The following GAB1 variants were observed in gnomAD, a reference collection of about 807,000 sequenced individuals.
The protein encoded by GAB1 is GRB2-associated-binding protein 1.
In GAB1, 19 loss-of-function variants were observed where a neutral mutation model predicts 66.5. The observed-to-expected ratio is 0.29, with a 90% CI of 0.20 to 0.42. GAB1 has a LOEUF of 0.42. GAB1 is among the 10% of genes least tolerant of loss of function. GAB1 has a pLI of 1.00. For synonymous variants in GAB1, 294 were observed against 301.4 expected (o/e 0.98, Z 0.25); for missense variants, 732 against 858.5 (o/e 0.85, Z 1.84).
chr4:143,367,986 A>G (rs911252890), intron 1 of GAB1, among the ~76,000 whole-genome samples: 1 of 151,920 alleles, frequency 6.6e-6, no homozygotes, highest in South Asian at 2.1e-4. Flanking sequence ...CAGCCTCCCA[A>G]AGTGCTAGGA....
At chr4:143,400,102 G>A (rs993262932) in intron 1 of GAB1, among the ~76,000 whole-genome samples, 3 of 152,002 alleles carry the variant, frequency 2.0e-5, no homozygotes, top group African/African-American at 4.8e-5. Flanking sequence ...CACCATGCCT[G>A]GCTCATTGTT....
intron 6 of GAB1, among the ~76,000 whole-genome samples, chr4:143,452,524 T>C (rs539239887): frequency 1.3e-5 from 2 of 152,236 alleles, no homozygotes; most frequent in African/African-American, 4.8e-5. Context: ...AGACCAAGAA[T>C]CCAAAAAGCC....
intron 1 of GAB1, among the ~76,000 whole-genome samples, chr4:143,409,953 A>G (rs886654617): frequency 6.6e-6 from 1 of 152,176 alleles, no homozygotes; most frequent in Non-Finnish European, 1.5e-5. Flanking sequence ...ATGGTGGCAC[A>G]TTAGAATCAT....
Position 143,415,325 on chromosome 4 carries a change from G to C in GAB1, c.73-152G>C, listed in dbSNP as rs1254396560. 6 of 613,314 alleles carry C rather than the reference G, an allele frequency of 9.8e-6. No homozygotes were observed. In the African/African-American group the frequency reaches 1.1e-4, roughly 11 times the overall value. 38.0% of individuals were successfully genotyped at this position (613,314 alleles called of 1,614,324 possible). A position where few individuals can be genotyped will look rare whatever the true frequency, so the allele number is the denominator to read the frequency against. On this transcript the variant is annotated intron_variant, in intron 1 of 9. Transcript: ENST00000262994. Reference sequence around the variant, plus strand: ...GTAAACGTTGCTTTTCAGAGTGGCAGATTATCCTGTGGTAAAAACACACAC... The same window carrying C: ...GTAAACGTTGCTTTTCAGAGTGGCACATTATCCTGTGGTAAAAACACACAC...
intron 2 of GAB1, among the ~76,000 whole-genome samples, chr4:143,422,008 A>G (rs1046829703): frequency 1.4e-4 from 22 of 152,314 alleles, no homozygotes; most frequent in Admixed American, 2.0e-4. Context: ...TAAATTGAAG[A>G]AACTGCAATG....
chr4:143,398,978 A>G (rs2149696655), intron 1 of GAB1, among the ~76,000 whole-genome samples: 1 of 152,328 alleles, frequency 6.6e-6, no homozygotes, highest in South Asian at 2.1e-4. Flanking sequence ...CTAGATAGAA[A>G]GATCCCCATC....
chr4:143,448,244 A>C (rs947594174), intron 6 of GAB1, among the ~76,000 whole-genome samples: 7 of 151,914 alleles, frequency 4.6e-5, no homozygotes, highest in Non-Finnish European at 1.0e-4. Flanking sequence ...TATTGATCTA[A>C]AATTCTCTTT....
intron 1 of GAB1, among the ~76,000 whole-genome samples, chr4:143,390,885 C>G (rs1731156692): frequency 6.6e-6 from 1 of 152,130 alleles, no homozygotes; most frequent in South Asian, 2.1e-4. Context: ...ATGTCTGTGT[C>G]CCAGCTTGAG....
At chr4:143,445,114 G>A (rs547314893) in intron 6 of GAB1, among the ~76,000 whole-genome samples, 3 of 152,240 alleles carry the variant, frequency 2.0e-5, no homozygotes, top group Non-Finnish European at 4.4e-5. Flanking sequence ...ACCCAGTAAT[G>A]GAATTGCTAG....
chr4:143,360,958 C>T (rs1040332809), intron 1 of GAB1, among the ~76,000 whole-genome samples: 3 of 152,136 alleles, frequency 2.0e-5, no homozygotes, highest in Non-Finnish European at 2.9e-5. Context: ...TCAAAACTTA[C>T]ATTTTTTAAT....
In GAB1 at chr4:143,337,102, C is replaced by A; in HGVS notation, c.-87C>A. The stretch of plus-strand genomic sequence containing the variant: ...GCGACCAGGAGAGCTAGGTTCTCGC[C>A]ACTGCGCGCTCGGCAGGCGTCGGCT... On this transcript the variant is annotated 5_prime_UTR_variant, in exon 1 of 10. Coordinates refer to ENST00000262994, the MANE Select transcript of GAB1 (RefSeq NM_002039.4). The A allele has an allele frequency of 2.5e-6, 3 of 1,201,470 alleles. No homozygotes were observed. Among genetic ancestry groups the A allele is most frequent in the South Asian group, 2.8e-5 (2 of 71,278 alleles). The allele number at this position is 1,201,470 out of a possible 1,614,324, so 74.4% of individuals were successfully genotyped here.
intron 1 of GAB1, among the ~76,000 whole-genome samples, chr4:143,356,660 A>G (rs1278471577): frequency 6.6e-6 from 1 of 152,194 alleles, no homozygotes; most frequent in Non-Finnish European, 1.5e-5. Flanking sequence ...TTTAACCTGC[A>G]CAGGTTCAGT....
At chr4:143,427,098 G>A (rs1443546783) in intron 2 of GAB1, among the ~76,000 whole-genome samples, 2 of 152,220 alleles carry the variant, frequency 1.3e-5, no homozygotes, top group Non-Finnish European at 2.9e-5. Context: ...TCTCAGGAAA[G>A]TGAGAGGGGG....
rs1205786156 is a variant in GAB1, at chr4:143,471,629, C to T, written c.*2440C>T. On this transcript the variant is annotated 3_prime_UTR_variant, in exon 10 of 10. Coordinates refer to ENST00000262994, the MANE Select transcript of GAB1 (RefSeq NM_002039.4). ...GATGAAACCAGCAGCCAATTTATAG[C>T]TATGCCCTGTTTTATTTGTATACTA... The T allele has an allele frequency of 6.6e-6, 1 of 152,142 alleles. No homozygotes were observed. The highest frequency in any genetic ancestry group is 1.5e-5 in the Non-Finnish European group (1 of 68,012). 9.4% of individuals were successfully genotyped at this position (152,142 alleles called of 1,614,324 possible).
intron 3 of GAB1, among the ~76,000 whole-genome samples, chr4:143,434,473 GC>G (rs1193147795): frequency 6.7e-6 from 1 of 150,290 alleles, no homozygotes; most frequent in Non-Finnish European, 1.5e-5. Context: ...TTCTGCCTCA[GC>G]CCCCAGGTAG....
intron 1 of GAB1, chr4:143,343,530 T>A (rs1487376833): frequency 6.5e-6 from 1 of 154,802 alleles, no homozygotes; most frequent in African/African-American, 2.4e-5. Context: ...GCTTTTGTTA[T>A]GTGCCATGTG....
At chr4:143,435,914 C>T (rs182273499) in intron 3 of GAB1, among the ~76,000 whole-genome samples, 1 of 152,270 alleles carries the variant, frequency 6.6e-6, no homozygotes, top group Non-Finnish European at 1.5e-5. Flanking sequence ...TTATAGCATC[C>T]TGGTTATGCC....
At chr4:143,468,893 A>G (rs1735941320) in intron 9 of GAB1, 138 bp from the exon 10 acceptor site, 2 of 825,864 alleles carry the variant, frequency 2.4e-6, no homozygotes, top group East Asian at 5.5e-5. Flanking sequence ...ACTGCACTCC[A>G]TCCTGGGCAA....
intron 1 of GAB1, among the ~76,000 whole-genome samples, chr4:143,401,350 G>A (rs758607637): frequency 3.9e-5 from 6 of 152,152 alleles, no homozygotes; most frequent in Non-Finnish European, 8.8e-5. Flanking sequence ...GGTAAACAAG[G>A]TGATAACATT....
Sources: allele counts gnomAD v4.1 joint callset (sites outside exome capture counted in the v4.1 genomes callset), GRCh38; gene constraint gnomAD v4.1.1; transcripts MANE v1.5; gene names NCBI Gene and HGNC (gene_info 2026-07-23, HGNC 2026-07-21).